ZFAT: variants seen among roughly 807,000 people sequenced by gnomAD.
ZFAT encodes zinc finger protein ZFAT.
Under a neutral mutation model 117.7 loss-of-function variants are expected in ZFAT, and 64 were observed. The ratio of observed to expected loss-of-function variants is 0.54; its 90% confidence interval spans 0.44 to 0.67. The LOEUF is 0.67. ZFAT is among the 30% of genes least tolerant of loss of function. The pLI is 0.00. For missense variants in ZFAT, 1,433 were observed against 1,584.5 expected, an observed-to-expected ratio of 0.90 and a Z score of 1.62; for synonymous variants, 679 against 615.0, an observed-to-expected ratio of 1.10 and a Z score of -1.54.
At chr8:134,781,558 C>A in the ZFAT span, among the ~76,000 whole-genome samples, 12 of 152,136 alleles carry the variant, frequency 7.9e-5, no homozygotes, top group Non-Finnish European at 4.4e-5. Flanking sequence ...CTACAAATAA[C>A]CAAGATTTTT....
In ZFAT at chr8:134,509,705, T is replaced by C. The variant is rs755897662; in HGVS notation, c.3406A>G (p.Ile1136Val). 220 of 1,610,330 alleles carry C rather than the reference T, an allele frequency of 1.4e-4. No homozygotes were observed. Among genetic ancestry groups the C allele is most frequent in the Non-Finnish European group, 1.8e-4 (209 of 1,179,024 alleles). The change falls in exon 15 of 16, where the codon ATT (isoleucine) becomes GTT (valine). Residue 1136 changes from isoleucine to valine, a missense_variant. Ile to Val is a conservative substitution (Grantham distance 29). This residue lies in a region of ZFAT where 503 missense variants were observed against 543.4 expected (regional missense o/e 0.93). Coordinates refer to ENST00000377838, the MANE Select transcript of ZFAT (RefSeq NM_020863.4). ...PTAVNILQQI[I>V]ELGAETHDAT... ...TCATGGGTCTCGGCGCCCAGCTCAA[T>C]GATCTGCTGCAGGATGTTCACGGCC...
chr8:134,688,136 T>C (rs1833421730), intron 1 of ZFAT, among the ~76,000 whole-genome samples: 2 of 152,028 alleles, frequency 1.3e-5, no homozygotes, highest in Non-Finnish European at 2.9e-5. Flanking sequence ...AGGGGAATAC[T>C]GGGAAAAAAG....
chr8:134,727,112 C>G, the ZFAT span, among the ~76,000 whole-genome samples: 1 of 150,604 alleles, frequency 6.6e-6, no homozygotes, highest in African/African-American at 2.5e-5. Context: ...ATAATTTCAT[C>G]TAAGGAGTGA....
chr8:134,697,767 G>T (rs1833908040), intron 1 of ZFAT, among the ~76,000 whole-genome samples: 1 of 148,858 alleles, frequency 6.7e-6, no homozygotes, highest in Non-Finnish European at 1.5e-5. Context: ...AAAAGAAAAA[G>T]AAGGGGTTTC....
chr8:134,748,944 T>C, the ZFAT span, among the ~76,000 whole-genome samples: 1 of 152,196 alleles, frequency 6.6e-6, no homozygotes, highest in Non-Finnish European at 1.5e-5. Flanking sequence ...ATTTCTCATA[T>C]ATTCTGTATG....
chr8:134,666,306 C>T (rs148397277), intron 1 of ZFAT, among the ~76,000 whole-genome samples: 220 of 152,296 alleles, frequency 1.4e-3, no homozygotes, highest in Non-Finnish European at 2.5e-3. Context: ...CCCTTGTCCA[C>T]ACCACAACAG....
At chr8:134,726,974 C>T in the ZFAT span, among the ~76,000 whole-genome samples, 1 of 152,032 alleles carries the variant, frequency 6.6e-6, no homozygotes, top group African/African-American at 2.4e-5. Context: ...TTTAGAGAGA[C>T]AGTTTAGCAA....
At position 134,615,232 on chromosome 8, in the gene ZFAT, C is replaced by T. The variant is rs1325021936; in HGVS notation, c.449-4577G>A. The stretch of plus-strand genomic sequence containing the variant: ...TCCAGGCAGACAATTCTGGGAGTCA[C>T]CATGGCTGGAGTGGTGCGATCTTGG... On this transcript the variant is annotated intron_variant, in intron 3 of 15. Transcript: ENST00000377838. Among the ~76,000 whole-genome samples, 5 of 152,180 alleles carry T rather than the reference C, an allele frequency of 3.3e-5. No homozygotes were observed. The South Asian group carries it at 6.2e-4, about 19-fold the overall frequency.
At chr8:134,660,550 T>C (rs1831875829) in intron 1 of ZFAT, among the ~76,000 whole-genome samples, 2 of 152,226 alleles carry the variant, frequency 1.3e-5, no homozygotes, top group Non-Finnish European at 2.9e-5. Context: ...ACTGAACAGA[T>C]AGACATGTCA....
At chr8:134,733,055 G>A in the ZFAT span, among the ~76,000 whole-genome samples, 9 of 152,284 alleles carry the variant, frequency 5.9e-5, no homozygotes, top group South Asian at 8.3e-4. Context: ...GGAAACTGAG[G>A]CCAAGAAGAG....
intron 2 of ZFAT, among the ~76,000 whole-genome samples, chr8:134,642,182 CT>C (rs1231062197): frequency 6.6e-6 from 1 of 152,220 alleles, no homozygotes; most frequent in Non-Finnish European, 1.5e-5. Flanking sequence ...GCACGCAGAA[CT>C]GGAATTTGGG....
chr8:134,547,224 G>A (rs1586684038), intron 11 of ZFAT, among the ~76,000 whole-genome samples: 3 of 152,206 alleles, frequency 2.0e-5, no homozygotes, highest in African/African-American at 7.2e-5. Context: ...CTCCTTGGCC[G>A]CTGGAGCACT....
At chr8:134,642,295 C>A (rs1489165269) in intron 2 of ZFAT, among the ~76,000 whole-genome samples, 3 of 152,184 alleles carry the variant, frequency 2.0e-5, no homozygotes, top group African/African-American at 7.2e-5. Flanking sequence ...ACAATCTGTG[C>A]TGTGCAGAGA....
the ZFAT span, among the ~76,000 whole-genome samples, chr8:134,802,907 G>T: frequency 6.6e-6 from 1 of 152,164 alleles, no homozygotes; most frequent in Admixed American, 6.5e-5. Flanking sequence ...AGGCCAATGG[G>T]AAGTTAGTGG....
the ZFAT span, among the ~76,000 whole-genome samples, chr8:134,789,329 T>A: frequency 1.3e-5 from 2 of 152,188 alleles, no homozygotes; most frequent in African/African-American, 4.8e-5. Flanking sequence ...CACAGATATT[T>A]TAAACCACAG....
At chr8:134,819,980 C>T in the ZFAT span, among the ~76,000 whole-genome samples, 2 of 152,062 alleles carry the variant, frequency 1.3e-5, no homozygotes, top group African/African-American at 2.4e-5. Context: ...TAAATGCTCA[C>T]AAATAAAATT....
chr8:134,491,311 G>C (rs7835535), intron 15 of ZFAT, among the ~76,000 whole-genome samples: 26,679 of 152,230 alleles, frequency 0.18, 2,473 homozygotes, highest in Admixed American at 0.26. Context: ...TCACCCTCAA[G>C]TCACAATGTG....
chr8:134,750,759 C>G, the ZFAT span, among the ~76,000 whole-genome samples: 2 of 152,122 alleles, frequency 1.3e-5, no homozygotes, highest in Non-Finnish European at 1.5e-5. Flanking sequence ...GAGCGAGACC[C>G]TGTCTCAAAA....
the ZFAT span, among the ~76,000 whole-genome samples, chr8:134,828,276 C>T: frequency 6.6e-6 from 1 of 152,152 alleles, no homozygotes; most frequent in Non-Finnish European, 1.5e-5. Context: ...CTGTTCCTTC[C>T]ATTTTTATAA....
Sources: allele counts gnomAD v4.1 joint callset (sites outside exome capture counted in the v4.1 genomes callset), GRCh38; gene constraint gnomAD v4.1.1; regional missense constraint gnomAD v4.1.1; transcripts MANE v1.5; gene names NCBI Gene and HGNC (gene_info 2026-07-23, HGNC 2026-07-21).